CADPS: variants seen among roughly 807,000 people sequenced by gnomAD.
The protein encoded by CADPS is calcium dependent secretion activator, also known as calcium-dependent secretion activator 1.
CADPS carries 57 observed loss-of-function variants against 167.3 expected under a neutral mutation model. The ratio of observed to expected loss-of-function variants is 0.34; its 90% CI spans 0.28 to 0.42. The LOEUF (loss-of-function observed/expected upper bound fraction) is 0.42. Among genes scored for constraint, CADPS ranks in the 20% least tolerant of loss-of-function variants. CADPS has a pLI of 1.00. For missense variants in CADPS, 1,414 were observed against 1,738.1 expected (o/e 0.81, Z 3.32); for synonymous variants, 676 against 635.3 (o/e 1.06, Z -0.96).
At chr3:62,600,927 T>C (rs908308786) in intron 6 of CADPS, among the ~76,000 whole-genome samples, 2 of 152,178 alleles carry the variant, frequency 1.3e-5, no homozygotes, top group Non-Finnish European at 2.9e-5. Context: ...GAGGCCAGCC[T>C]GGGCAACATA....
chr3:62,837,352 T>C (rs1360521104), intron 1 of CADPS, among the ~76,000 whole-genome samples: 2 of 152,178 alleles, frequency 1.3e-5, no homozygotes, highest in Admixed American at 6.5e-5. Flanking sequence ...CCAACCCGCA[T>C]GGAGAACACC....
chr3:62,454,101 A>C (rs2150136881), intron 26 of CADPS, among the ~76,000 whole-genome samples: 1 of 152,294 alleles, frequency 6.6e-6, no homozygotes, highest in Admixed American at 6.5e-5. Flanking sequence ...AAAAGAGTTA[A>C]AGTTTGAGAT....
chr3:62,652,996 C>T (rs973633707), intron 4 of CADPS, among the ~76,000 whole-genome samples: 1 of 152,156 alleles, frequency 6.6e-6, no homozygotes, highest in East Asian at 1.9e-4. Context: ...CTCCTTCCTA[C>T]ATGAAGGCTG....
At chr3:62,641,212 C>G (rs957924222) in intron 6 of CADPS, among the ~76,000 whole-genome samples, 3 of 152,136 alleles carry the variant, frequency 2.0e-5, no homozygotes, top group Non-Finnish European at 4.4e-5. Flanking sequence ...GCTATGAAAT[C>G]TTAACTGGAT....
intron 12 of CADPS, 89 bp from the exon 13 acceptor site, chr3:62,533,147 C>G: frequency 8.9e-7 from 1 of 1,123,454 alleles, no homozygotes; most frequent in Non-Finnish European, 1.3e-6. Context: ...GAGAAGGGGA[C>G]TGAAAAATAG....
intron 29 of CADPS, among the ~76,000 whole-genome samples, chr3:62,400,586 T>A (rs1362016293): frequency 8.7e-6 from 1 of 115,416 alleles, no homozygotes; most frequent in African/African-American, 3.1e-5. Flanking sequence ...CCCATCATTC[T>A]TTCTTTTTTT....
chr3:62,589,156 C>T (rs895445486), intron 7 of CADPS, among the ~76,000 whole-genome samples: 8 of 152,126 alleles, frequency 5.3e-5, no homozygotes, highest in South Asian at 2.1e-4. Context: ...GTAAATGTAA[C>T]GCCAGGATTC....
At chr3:62,580,325 C>T (rs1371988858) in intron 8 of CADPS, among the ~76,000 whole-genome samples, 1 of 152,120 alleles carries the variant, frequency 6.6e-6, no homozygotes, top group Non-Finnish European at 1.5e-5. Flanking sequence ...TCTCAGTAAA[C>T]TATCGCAAGG....
At chr3:62,820,557 G>C (rs1037071797) in intron 1 of CADPS, among the ~76,000 whole-genome samples, 1 of 152,016 alleles carries the variant, frequency 6.6e-6, no homozygotes, top group African/African-American at 2.4e-5. Flanking sequence ...ATATGAGCTC[G>C]GTAAGGACAA....
chr3:62,827,360 G>A (rs1030503041), intron 1 of CADPS, among the ~76,000 whole-genome samples: 1 of 152,150 alleles, frequency 6.6e-6, no homozygotes, highest in Non-Finnish European at 1.5e-5. Flanking sequence ...AGATGAAAGT[G>A]TATTTTCATT....
chr3:62,626,736 C>T (rs1296200651), intron 6 of CADPS, among the ~76,000 whole-genome samples: 6 of 152,078 alleles, frequency 3.9e-5, no homozygotes, highest in African/African-American at 1.2e-4. Flanking sequence ...ATTTTTATGG[C>T]TACTCTATAT....
At chr3:62,697,261 C>G (rs2080476298) in intron 3 of CADPS, among the ~76,000 whole-genome samples, 1 of 125,460 alleles carries the variant, frequency 8.0e-6, no homozygotes, top group Admixed American at 8.9e-5. Flanking sequence ...TCCCTCACCC[C>G]CTCCCCATCC....
chr3:62,621,693 T>C (rs1044238060), intron 6 of CADPS, among the ~76,000 whole-genome samples: 1 of 151,978 alleles, frequency 6.6e-6, no homozygotes, highest in Non-Finnish European at 1.5e-5. Context: ...ACCCAGATAT[T>C]AAGCCTAGTA....
intron 26 of CADPS, among the ~76,000 whole-genome samples, chr3:62,453,522 T>C (rs1391055882): frequency 1.3e-5 from 2 of 152,154 alleles, no homozygotes; most frequent in African/African-American, 2.4e-5. Flanking sequence ...CAACACTCAA[T>C]ACATAATCTG....
At chr3:62,437,097 A>G (rs909081747) in intron 28 of CADPS, among the ~76,000 whole-genome samples, 3 of 152,088 alleles carry the variant, frequency 2.0e-5, no homozygotes, top group African/African-American at 7.2e-5. Context: ...AGACCAAAAC[A>G]TTAATGTTCG....
At chr3:62,745,044 C>T (rs897229475) in intron 3 of CADPS, among the ~76,000 whole-genome samples, 2 of 152,078 alleles carry the variant, frequency 1.3e-5, no homozygotes, top group African/African-American at 4.8e-5. Flanking sequence ...ATCTTTAATG[C>T]CTCTAAATTT....
intron 21 of CADPS, among the ~76,000 whole-genome samples, chr3:62,483,316 A>AGGGGAGTAGGGGAGTG (rs2062288331): frequency 1.7e-5 from 1 of 57,822 alleles, no homozygotes; most frequent in East Asian, 6.6e-4. Flanking sequence ...GTGGGGGAGT[A>AGGGGAGTAGGGGAGTG]GGGGAGTAGG....
chr3:62,416,263 C>G (rs2149330914), intron 28 of CADPS, among the ~76,000 whole-genome samples: 1 of 152,290 alleles, frequency 6.6e-6, no homozygotes, highest in Middle Eastern at 3.4e-3. Flanking sequence ...ATCCTACCTG[C>G]TTGCTTTAAC....
At chr3:62,702,678 C>A (rs1226903275) in intron 3 of CADPS, among the ~76,000 whole-genome samples, 1 of 152,110 alleles carries the variant, frequency 6.6e-6, no homozygotes. Flanking sequence ...CAATGGTAGA[C>A]ATGTTTTATC....
Sources: allele counts gnomAD v4.1 joint callset (sites outside exome capture counted in the v4.1 genomes callset), GRCh38; gene constraint gnomAD v4.1.1; transcripts MANE v1.5; gene names NCBI Gene and HGNC (gene_info 2026-07-23, HGNC 2026-07-21).